The following BEND6 variants were observed in gnomAD, a reference collection of about 807,000 sequenced individuals.
BEND6 encodes BEN domain-containing protein 6.
In BEND6, 24 loss-of-function variants were observed where a neutral mutation model predicts 31.8. The ratio of observed to expected loss-of-function variants is 0.75; its 90% confidence interval spans 0.55 to 1.06. The LOEUF (loss-of-function observed/expected upper bound fraction) is 1.06, where lower values mean the gene tolerates loss of function less well. Among genes scored for constraint, BEND6 ranks in the 50% least tolerant of loss-of-function variants. The probability of loss-of-function intolerance (pLI) is 0.00; values close to 1 mark genes in which losing one functional copy is unlikely to be tolerated. For synonymous variants in BEND6, 109 were observed against 114.6 expected, an observed-to-expected ratio of 0.95 and a Z score of 0.31; for missense variants, 294 against 327.4, an observed-to-expected ratio of 0.90 and a Z score of 0.79.
intron 3 of BEND6, among the ~76,000 whole-genome samples, chr6:57,007,092 C>A (rs1015150349): frequency 6.6e-6 from 1 of 152,058 alleles, no homozygotes; most frequent in African/African-American, 2.4e-5. Context: ...GAGTTCGAGA[C>A]CACCCTGGGC....
intron 1 of BEND6, among the ~76,000 whole-genome samples, chr6:56,971,874 A>G (rs1825700621): frequency 6.6e-6 from 1 of 152,080 alleles, no homozygotes; most frequent in Non-Finnish European, 1.5e-5. Context: ...TAAATTCATG[A>G]TTTGAAAATA....
chr6:57,004,756 C>T (rs1313815480), intron 3 of BEND6: 10 of 1,137,506 alleles, frequency 8.8e-6, no homozygotes, highest in East Asian at 2.3e-5. Context: ...CACTGAGACA[C>T]ATCACCTGAA....
At chr6:56,982,294 T>TTA (rs1188737525) in intron 2 of BEND6, among the ~76,000 whole-genome samples, 2 of 152,220 alleles carry the variant, frequency 1.3e-5, no homozygotes, top group Non-Finnish European at 2.9e-5. Flanking sequence ...TTGTTCAAAC[T>TTA]TTCCTTAATA....
intron 2 of BEND6, among the ~76,000 whole-genome samples, chr6:56,984,125 G>A (rs2127854879): frequency 6.6e-6 from 1 of 152,122 alleles, no homozygotes; most frequent in African/African-American, 2.4e-5. Context: ...GGAGGTTGAG[G>A]TGGGAGGATC....
chr6:56,995,951 A>G (rs937147982), intron 3 of BEND6, among the ~76,000 whole-genome samples: 3 of 152,162 alleles, frequency 2.0e-5, no homozygotes, highest in African/African-American at 7.2e-5. Context: ...CCATCCTTGA[A>G]AAAGGTCCTT....
intron 3 of BEND6, among the ~76,000 whole-genome samples, chr6:56,995,605 T>C (rs1826676906): frequency 6.6e-6 from 1 of 152,198 alleles, no homozygotes; most frequent in African/African-American, 2.4e-5. Flanking sequence ...TCCTAGCTTC[T>C]GATTGTTCCT....
At chr6:56,956,122 C>G (rs1035265055) in intron 1 of BEND6, among the ~76,000 whole-genome samples, 5 of 152,250 alleles carry the variant, frequency 3.3e-5, no homozygotes, top group Non-Finnish European at 7.3e-5. Flanking sequence ...CTGGCTTTCC[C>G]TGTGTGGGGC....
At chr6:56,965,778 T>C (rs1825457886) in intron 1 of BEND6, among the ~76,000 whole-genome samples, 1 of 151,282 alleles carries the variant, frequency 6.6e-6, no homozygotes, top group South Asian at 2.1e-4. Flanking sequence ...TTATAATTGA[T>C]TAGATTAATA....
chr6:56,963,289 T>G (rs1825350444), intron 1 of BEND6, among the ~76,000 whole-genome samples: 1 of 152,148 alleles, frequency 6.6e-6, no homozygotes, highest in Admixed American at 6.6e-5. Flanking sequence ...AACCCGACAC[T>G]CCAGCAGAAC....
intron 1 of BEND6, among the ~76,000 whole-genome samples, chr6:56,959,007 AT>A (rs1825194499): frequency 6.6e-6 from 1 of 152,256 alleles, no homozygotes; most frequent in Admixed American, 6.5e-5. Flanking sequence ...TAAATCCTGA[AT>A]AAAGGCCAAT....
chr6:57,015,361 G>T lies in BEND6; in HGVS notation c.519+8G>T. 1 of 1,599,698 alleles carries T rather than the reference G, an allele frequency of 6.3e-7. No individual in the cohort carries two copies. The highest frequency in any genetic ancestry group is 8.6e-7 in the Non-Finnish European group (1 of 1,167,748). ...CAGACTGATGAGAAACAGGTCAGTTGTAATACCCGCCTTATTGTTCTTTGG... is the reference window on the plus strand; with the variant it reads ...CAGACTGATGAGAAACAGGTCAGTTTTAATACCCGCCTTATTGTTCTTTGG... On this transcript the variant is annotated splice_region_variant and intron_variant, in intron 4 of 6. Transcript: ENST00000370746.
intron 1 of BEND6, among the ~76,000 whole-genome samples, chr6:56,973,688 A>T (rs1199337843): frequency 6.6e-6 from 1 of 152,220 alleles, no homozygotes; most frequent in Non-Finnish European, 1.5e-5. Flanking sequence ...GACAGCTCAC[A>T]TGCTGGGTAA....
Position 57,015,210 on chromosome 6 carries a change from T to C in BEND6, c.376T>C (p.Ser126Pro). The C allele has an allele frequency of 1.2e-6, 2 of 1,614,166 alleles. No individual in the cohort carries two copies. The highest frequency in any genetic ancestry group is 1.7e-6 in the Non-Finnish European group (2 of 1,180,018). ...EALLKGGGTM[S>P]TSASTLWRAT... ...TCTGCTTAAGGGTGGGGGAACCATG[T>C]CTACATCTGCATCCACCCTCTGGAG... The change falls in exon 4 of 7, where the codon TCT becomes CCT. Residue 126 changes from serine (S) to proline (P), a missense_variant. Ser to Pro is a moderately conservative substitution (Grantham distance 74, BLOSUM62 -1). Transcript: ENST00000370746.
intron 3 of BEND6, among the ~76,000 whole-genome samples, chr6:57,012,073 C>T (rs956087504): frequency 3.8e-4 from 57 of 151,672 alleles, no homozygotes; most frequent in African/African-American, 1.1e-3. Context: ...TGCAGTGAAC[C>T]GAGATCATGC....
At chr6:57,011,715 CAA>C (rs770049459) in intron 3 of BEND6, among the ~76,000 whole-genome samples, 10 of 34,112 alleles carry the variant, frequency 2.9e-4, no homozygotes, top group Non-Finnish European at 5.9e-4. Flanking sequence ...GGCCCTGTCT[CAA>C]AAAAAAAAAA....
intron 1 of BEND6, among the ~76,000 whole-genome samples, chr6:56,957,226 A>T (rs532775994): frequency 6.6e-6 from 1 of 152,356 alleles, no homozygotes; most frequent in East Asian, 1.9e-4. Context: ...ACACAAGAAC[A>T]TCATTTATCT....
At chr6:57,017,598 A>C (rs114073350) in intron 5 of BEND6, among the ~76,000 whole-genome samples, 199 bp downstream of exon 5, 1 of 152,346 alleles carries the variant, frequency 6.6e-6, no homozygotes, top group African/African-American at 2.4e-5. Context: ...TATTAAAATG[A>C]AACTAAGTTT....
In BEND6 at chr6:57,010,745, A is replaced by G. The variant is rs935136891; in HGVS notation, c.299-4388A>G. 5 of 882,502 alleles carry G rather than the reference A, an allele frequency of 5.7e-6. No homozygotes were observed. The African/African-American group carries it at 7.3e-5, about 13-fold the overall frequency. The allele number at this position is 882,502 out of a possible 1,614,324, so 54.7% of individuals were successfully genotyped here. A position where few individuals can be genotyped will look rare whatever the true frequency, so the allele number is the denominator to read the frequency against. On this transcript the variant is annotated intron_variant, in intron 3 of 6. Transcript: ENST00000370746. ...TATGAAAAGATATTTAAATTCTACA[A>G]AATTGTTGGTGAATATTTAACTGAT... is the stretch of plus-strand genomic sequence containing the variant.
intron 4 of BEND6, among the ~76,000 whole-genome samples, chr6:57,016,215 A>G (rs1827554532): frequency 6.6e-6 from 1 of 152,218 alleles, no homozygotes; most frequent in African/African-American, 2.4e-5. Context: ...TGTTAGAATC[A>G]GGTAGCCTCA....
Sources: gnomAD v4.1 joint callset for allele counts (sites outside exome capture counted in the v4.1 genomes callset) on GRCh38, gnomAD v4.1.1 for gene constraint, MANE v1.5 for transcripts, NCBI Gene and HGNC (gene_info 2026-07-23, HGNC 2026-07-21) for gene names.